Variants in SLC39A12 observed in about 807,000 individuals in gnomAD.
SLC39A12 encodes solute carrier family 39 member 12, also known as zinc transporter ZIP12.
In SLC39A12, 63 loss-of-function variants were observed where a neutral mutation model predicts 71.1. The ratio of observed to expected loss-of-function variants is 0.89; its 90% CI spans 0.72 to 1.09. The LOEUF (loss-of-function observed/expected upper bound fraction) is 1.09. Ranked by LOEUF, SLC39A12 falls within the 50% of genes least tolerant of loss-of-function variation. The pLI is 0.00. For missense variants in SLC39A12, 892 were observed against 812.6 expected, an observed-to-expected ratio of 1.10 and a Z score of -1.19; for synonymous variants, 351 against 301.3, an observed-to-expected ratio of 1.16 and a Z score of -1.71.
chr10:17,974,786 G>C (rs989381249), intron 4 of SLC39A12, among the ~76,000 whole-genome samples: 1 of 152,144 alleles, frequency 6.6e-6, no homozygotes, highest in Admixed American at 6.5e-5. Context: ...GTTTGCTCAA[G>C]GCCTTGGGAC....
intron 12 of SLC39A12, among the ~76,000 whole-genome samples, chr10:18,036,778 A>ATTTTTT (rs1837049343): frequency 5.6e-4 from 4 of 7,122 alleles, no homozygotes; most frequent in African/African-American, 2.5e-3. Context: ...ATATATATAT[A>ATTTTTT]TATATATATA....
intron 12 of SLC39A12, among the ~76,000 whole-genome samples, chr10:18,017,004 T>C (rs1193985078): frequency 1.3e-5 from 2 of 152,194 alleles, no homozygotes; most frequent in African/African-American, 4.8e-5. Flanking sequence ...TCTCTTGACA[T>C]TGTCTTTCAC....
intron 10 of SLC39A12, among the ~76,000 whole-genome samples, chr10:17,998,277 G>A (rs983544623): frequency 7.0e-6 from 1 of 143,088 alleles, no homozygotes; most frequent in African/African-American, 2.6e-5. Flanking sequence ...AGCAAAAATA[G>A]GCCACACTGG....
chr10:18,034,863 C>T (rs1836953770), intron 12 of SLC39A12, among the ~76,000 whole-genome samples: 1 of 150,820 alleles, frequency 6.6e-6, no homozygotes, highest in Admixed American at 6.6e-5. Flanking sequence ...AATCTCTCAG[C>T]ATTTGCTTGT....
At chr10:17,995,546 G>C in intron 9 of SLC39A12, 110 bp from the exon 10 acceptor site, 1 of 888,242 alleles carries the variant, frequency 1.1e-6, no homozygotes, top group Non-Finnish European at 1.8e-6. Context: ...TATACATCTA[G>C]AGTACTAAAA....
intron 12 of SLC39A12, among the ~76,000 whole-genome samples, chr10:18,004,942 G>T (rs1382730869): frequency 1.3e-5 from 2 of 152,110 alleles, no homozygotes; most frequent in Non-Finnish European, 2.9e-5. Context: ...GATGAGGCTA[G>T]AAGCCATTAT....
intron 10 of SLC39A12, among the ~76,000 whole-genome samples, chr10:17,998,075 T>C (rs1835734787): frequency 6.6e-6 from 1 of 152,240 alleles, no homozygotes; most frequent in Non-Finnish European, 1.5e-5. Context: ...CTTGGTTCAC[T>C]GCAACCTCTG....
At chr10:18,036,979 G>C (rs372743256) in intron 12 of SLC39A12, among the ~76,000 whole-genome samples, 7 of 151,226 alleles carry the variant, frequency 4.6e-5, no homozygotes, top group African/African-American at 1.7e-4. Flanking sequence ...TAGAGTCTGC[G>C]TTTCACCATA....
At chr10:18,040,187 T>G (rs916818958) in intron 12 of SLC39A12, among the ~76,000 whole-genome samples, 3 of 152,214 alleles carry the variant, frequency 2.0e-5, no homozygotes, top group African/African-American at 7.2e-5. Flanking sequence ...TCCATAGATT[T>G]TCCAAAATGG....
At chr10:18,010,876 C>T (rs1409555695) in intron 12 of SLC39A12, among the ~76,000 whole-genome samples, 7 of 152,102 alleles carry the variant, frequency 4.6e-5, no homozygotes, top group African/African-American at 7.2e-5. Flanking sequence ...CAAGACCAAC[C>T]GTTCCTCCTC....
At chr10:18,023,910 G>A (rs1836604000) in intron 12 of SLC39A12, among the ~76,000 whole-genome samples, 1 of 152,176 alleles carries the variant, frequency 6.6e-6, no homozygotes, top group Non-Finnish European at 1.5e-5. Flanking sequence ...AGGGACCCCT[G>A]TGGAAGTCTG....
At chr10:17,972,719 G>A (rs1211839093) in intron 4 of SLC39A12, among the ~76,000 whole-genome samples, 3 of 151,646 alleles carry the variant, frequency 2.0e-5, no homozygotes, top group East Asian at 1.9e-4. Context: ...TTTAGTCTAT[G>A]TGTGTATTTA....
chr10:18,010,130 G>C (rs1309593845), intron 12 of SLC39A12, among the ~76,000 whole-genome samples: 1 of 151,980 alleles, frequency 6.6e-6, no homozygotes, highest in Non-Finnish European at 1.5e-5. Context: ...GTTTGAATGA[G>C]TCTTTCTTTA....
intron 12 of SLC39A12, among the ~76,000 whole-genome samples, chr10:18,020,506 G>A (rs970577887): frequency 2.6e-5 from 4 of 152,126 alleles, no homozygotes; most frequent in South Asian, 2.1e-4. Context: ...TTGCTGGGTT[G>A]AATGGTAACT....
intron 6 of SLC39A12, among the ~76,000 whole-genome samples, chr10:17,982,039 G>C (rs1235900083): frequency 6.6e-6 from 1 of 152,088 alleles, no homozygotes; most frequent in African/African-American, 2.4e-5. Flanking sequence ...ATATCCTATA[G>C]GGCTGCCTTT....
At chr10:18,034,777 G>T (rs560157604) in intron 12 of SLC39A12, among the ~76,000 whole-genome samples, 1 of 150,340 alleles carries the variant, frequency 6.7e-6, no homozygotes, top group East Asian at 1.9e-4. Context: ...ATTTTGCAGC[G>T]GCTGGTACCG....
At position 17,981,484 on chromosome 10, in the gene SLC39A12, G is replaced by GT. The variant is rs746276419; in HGVS notation, c.1096+2dup. Reference sequence around the variant, plus strand: ...AAGCTGCCACCTACCACTCTGGAGAGTAAGTTCTGGATCTTCCTTCAGAAA... The same window carrying GT: ...AAGCTGCCACCTACCACTCTGGAGAGTTAAGTTCTGGATCTTCCTTCAGAAA... On this transcript the variant is annotated splice_donor_variant, in intron 6 of 12. Transcript: ENST00000377369. LOFTEE classifies it high-confidence loss of function. The GT allele has an allele frequency of 6.2e-7, 1 of 1,609,094 alleles. No homozygotes were observed. Among genetic ancestry groups the GT allele is most frequent in the African/African-American group, 1.3e-5 (1 of 74,846 alleles).
At chr10:18,030,268 CTT>C (rs1181691438) in intron 12 of SLC39A12, among the ~76,000 whole-genome samples, 4 of 145,350 alleles carry the variant, frequency 2.8e-5, no homozygotes, top group South Asian at 2.2e-4. Flanking sequence ...TCTTTTCTTT[CTT>C]TTTTTTTTTT....
In SLC39A12 at chr10:17,968,668, G is replaced by A. The variant is rs554812518; in HGVS notation, c.751+2978G>A. ...TTTTTCTTTTTTCAAATTTTTGTGGGTACATAGTAGGTGTATGTATTTATG... is the reference window on the plus strand; with the variant it reads ...TTTTTCTTTTTTCAAATTTTTGTGGATACATAGTAGGTGTATGTATTTATG... On this transcript the variant is annotated intron_variant, in intron 4 of 12. Coordinates refer to ENST00000377369, the MANE Select transcript of SLC39A12 (RefSeq NM_001145195.2). 3.9e-5 allele frequency among the ~76,000 whole-genome samples: 6 copies of A among 151,922 alleles called. No individual in the cohort carries two copies. The South Asian group carries it at 6.2e-4, about 16-fold the overall frequency.
Sources: gnomAD v4.1 joint callset for allele counts (sites outside exome capture counted in the v4.1 genomes callset) on GRCh38, gnomAD v4.1.1 for gene constraint, MANE v1.5 for transcripts, NCBI Gene and HGNC (gene_info 2026-07-23, HGNC 2026-07-21) for gene names.